LMO7: variants seen among roughly 807,000 people sequenced by gnomAD.
LMO7 encodes LIM domain only protein 7.
A neutral mutation model predicts 206.5 loss-of-function variants in LMO7; 120 were observed. That is an observed-to-expected ratio of 0.58 (90% CI 0.50 to 0.68). The LOEUF (loss-of-function observed/expected upper bound fraction) is 0.68, where lower values mean the gene tolerates loss of function less well. LMO7 is among the 30% of genes least tolerant of loss of function. The pLI is 0.00. For synonymous variants in LMO7, 706 were observed against 681.5 expected (o/e 1.04, Z -0.56); for missense variants, 1,959 against 1,957.9 (o/e 1.00, Z -0.01).
At chr13:75,765,481 T>C (rs1344504577) in intron 4 of LMO7, among the ~76,000 whole-genome samples, 2 of 152,088 alleles carry the variant, frequency 1.3e-5, no homozygotes, top group East Asian at 3.9e-4. Context: ...ATGTACCCTT[T>C]CTGCCAACTA....
Position 75,713,268 on chromosome 13 carries a change from A to T in LMO7, c.140+16A>T, listed in dbSNP as rs149026489. The T allele has an allele frequency of 4.8e-5, 75 of 1,578,594 alleles. No individual in the cohort carries two copies. In the East Asian group the frequency reaches 1.1e-3, roughly 23 times the overall value. On this transcript the variant is annotated intron_variant, in intron 2 of 30. Transcript: ENST00000377534. Reference sequence around the variant, plus strand: ...TGCTGTGTGAGTAAGTATTTAAAGTATTTAAAAAATAATTCAAAAGCAAAG... The same window carrying T: ...TGCTGTGTGAGTAAGTATTTAAAGTTTTTAAAAAATAATTCAAAAGCAAAG...
chr13:75,714,415 A>G (rs2043356197), intron 2 of LMO7, among the ~76,000 whole-genome samples: 1 of 152,184 alleles, frequency 6.6e-6, no homozygotes, highest in African/African-American at 2.4e-5. Context: ...GGGCATGTAA[A>G]TAACAGTCTA....
rs9573657 is a variant in LMO7, at chr13:75,768,305, T to A, written c.317+7267T>A. 9.8e-3 allele frequency among the ~76,000 whole-genome samples: 1,498 copies of A among 152,180 alleles called. 12 individuals are homozygous for A. Among genetic ancestry groups the A allele is most frequent in the African/African-American group, 0.026 (1,075 of 41,562 alleles). On this transcript the variant is annotated intron_variant, in intron 4 of 30. Transcript: ENST00000377534. ...ATTTAAAACTTATCCCTTTTCTCCATTGGGAGCAGATATTAAAACAAATGT... is the reference window on the plus strand; with the variant it reads ...ATTTAAAACTTATCCCTTTTCTCCAATGGGAGCAGATATTAAAACAAATGT...
At chr13:75,662,961 T>C (rs1434895765) in intron 1 of LMO7, among the ~76,000 whole-genome samples, 1 of 152,144 alleles carries the variant, frequency 6.6e-6, no homozygotes, top group Non-Finnish European at 1.5e-5. Context: ...GCAGATGAAA[T>C]TGTCATTTTA....
chr13:75,644,303 A>C (rs1026621863), intron 1 of LMO7, among the ~76,000 whole-genome samples: 1 of 152,196 alleles, frequency 6.6e-6, no homozygotes. Flanking sequence ...GAGGGGTGAG[A>C]GGTAAAATAA....
rs780928944 is a variant in LMO7 at position 75,821,596 on chromosome 13, C to G, written c.2627C>G (p.Pro876Arg). 6.2e-7 allele frequency: 1 copy of G among 1,611,838 alleles called. No homozygotes were observed. The highest frequency in any genetic ancestry group is 1.3e-5 in the African/African-American group (1 of 74,988). The change falls in exon 14 of 31, where the codon CCC becomes CGC. Residue 876 changes from proline (P) to arginine (R), a missense_variant. Transcript: ENST00000377534. The part of the protein sequence containing the change: ...GSQTRGISSL[P>R]RSYTMDDAWK... ...CAGACAAGGGGAATCTCATCACTCC[C>G]CAGATCTTACACGGTAAAAAATGTT...
intron 12 of LMO7, among the ~76,000 whole-genome samples, chr13:75,818,937 A>G (rs2057319083): frequency 6.6e-6 from 1 of 152,178 alleles, no homozygotes; most frequent in Non-Finnish European, 1.5e-5. Context: ...GCCTCAAAGT[A>G]GGGATTGAAC....
chr13:75,705,701 A>G (rs1383428432), intron 1 of LMO7, among the ~76,000 whole-genome samples: 2 of 152,262 alleles, frequency 1.3e-5, no homozygotes, highest in African/African-American at 2.4e-5. Context: ...TTGTTAGATT[A>G]GAACTACTAA....
chr13:75,842,763 ATGACATTATTT>A (rs2059654920), intron 24 of LMO7, 77 bp from the exon 25 acceptor site: 2 of 787,316 alleles, frequency 2.5e-6, no homozygotes, highest in African/African-American at 3.4e-5. Context: ...AGAGGCTAGA[ATGACATTATTT>A]TGATACCCTT....
intron 3 of LMO7, among the ~76,000 whole-genome samples, chr13:75,753,011 T>A (rs2047393304): frequency 6.6e-6 from 1 of 152,252 alleles, no homozygotes; most frequent in African/African-American, 2.4e-5. Flanking sequence ...ATCTCCACAC[T>A]GTTTTCCATA....
chr13:75,675,888 GCACACACACA>G (rs3036374), intron 1 of LMO7, among the ~76,000 whole-genome samples: 5,243 of 150,758 alleles, frequency 0.035, 117 homozygotes, highest in African/African-American at 0.058. Context: ...GCACGAGCGT[GCACACACACA>G]CACACACACA....
At chr13:75,731,128 G>A (rs969517886) in intron 3 of LMO7, among the ~76,000 whole-genome samples, 14 of 152,214 alleles carry the variant, frequency 9.2e-5, no homozygotes, top group Middle Eastern at 3.4e-3. Context: ...GGAGAGTTCC[G>A]TAGATGTCTA....
In LMO7 at chr13:75,636,689, G is replaced by A. The variant is rs777879472; in HGVS notation, c.32G>A (p.Cys11Tyr). The A allele has an allele frequency of 5.6e-6, 9 of 1,609,628 alleles. No individual in the cohort carries two copies. Among genetic ancestry groups the A allele is most frequent in the African/African-American group, 1.3e-5 (1 of 74,900 alleles). The stretch of plus-strand genomic sequence containing the variant: ...GGGCTGGAGGAGGCAGAGGCCAACT[G>A]CTCCGTGGCGTTCGCTGAGGCTCAG... MEGLEEAEAN[C>Y]SVAFAEAQRW... Residue 11 changes from cysteine to tyrosine, a missense_variant, in exon 1 of 31, where the codon TGC (cysteine) becomes TAC (tyrosine). Transcript: ENST00000377534.
At chr13:75,797,681 A>G (rs2054206230) in intron 6 of LMO7, among the ~76,000 whole-genome samples, 1 of 152,230 alleles carries the variant, frequency 6.6e-6, no homozygotes, top group Non-Finnish European at 1.5e-5. Context: ...TGAACATGAT[A>G]ACCTTGGCTT....
intron 2 of LMO7, among the ~76,000 whole-genome samples, chr13:75,715,500 C>G (rs1467573325): frequency 6.6e-6 from 1 of 152,170 alleles, no homozygotes; most frequent in Non-Finnish European, 1.5e-5. Context: ...TCTAATCAGT[C>G]TCTTAGTACC....
intron 1 of LMO7, among the ~76,000 whole-genome samples, chr13:75,706,455 G>A (rs745972630): frequency 4.6e-5 from 7 of 152,218 alleles, no homozygotes; most frequent in African/African-American, 7.2e-5. Flanking sequence ...TGAGGTTGGA[G>A]TAGCTAGTAT....
At chr13:75,793,605 C>A (rs1242650522) in intron 4 of LMO7, among the ~76,000 whole-genome samples, 1 of 152,144 alleles carries the variant, frequency 6.6e-6, no homozygotes, top group Non-Finnish European at 1.5e-5. Flanking sequence ...AGATAATTTT[C>A]TTTTTACTCA....
intron 7 of LMO7, among the ~76,000 whole-genome samples, chr13:75,803,356 G>C (rs192899422): frequency 6.6e-6 from 1 of 152,338 alleles, no homozygotes; most frequent in East Asian, 1.9e-4. Flanking sequence ...GCTTGTAGCT[G>C]TCAGGCACTG....
chr13:75,799,579 C>T (rs1283127926), intron 6 of LMO7, among the ~76,000 whole-genome samples: 2 of 152,146 alleles, frequency 1.3e-5, no homozygotes, highest in African/African-American at 4.8e-5. Context: ...AACTTTCATG[C>T]TTGTCTCCAG....
Sources: gnomAD v4.1 joint callset for allele counts (sites outside exome capture counted in the v4.1 genomes callset) on GRCh38, gnomAD v4.1.1 for gene constraint, MANE v1.5 for transcripts, NCBI Gene and HGNC (gene_info 2026-07-23, HGNC 2026-07-21) for gene names.